C14orf93: variants seen among roughly 807,000 people sequenced by gnomAD.
C14orf93 encodes uncharacterized protein C14orf93.
A neutral mutation model predicts 44.0 loss-of-function variants in C14orf93; 23 were observed. That is an observed-to-expected ratio of 0.52 (90% CI 0.38 to 0.74). The LOEUF (loss-of-function observed/expected upper bound fraction) is 0.74. Ranked by LOEUF, C14orf93 falls within the 30% of genes least tolerant of loss-of-function variation. The pLI is 0.00. For missense variants in C14orf93, 579 were observed against 678.9 expected (o/e 0.85, Z 1.64); for synonymous variants, 253 against 265.7 (o/e 0.95, Z 0.46).
intron 3 of C14orf93, 120 bp downstream of exon 3, chr14:22,995,828 A>C: frequency 1.1e-6 from 1 of 922,322 alleles, no homozygotes; most frequent in Non-Finnish European, 1.5e-6. Flanking sequence ...TATCCCTCCC[A>C]CTCTGGTAGG....
rs374375002 is a variant in C14orf93, at chr14:23,002,127, C to A, written c.-379-2725G>T. ...TCGCACCACTGCACTCCAGCCTGGG[C>A]GACAGAGCGAGATTCCGTCTCAAAA... On this transcript the variant is annotated intron_variant, in intron 1 of 6. Coordinates refer to ENST00000299088, the MANE Select transcript of C14orf93 (RefSeq NM_021944.4). 1.5e-4 allele frequency among the ~76,000 whole-genome samples: 19 copies of A among 125,568 alleles called. No homozygotes were observed. In the East Asian group the frequency reaches 3.3e-3, roughly 22 times the overall value. 82.4% of individuals were successfully genotyped at this position (125,568 alleles called of 152,430 possible).
chr14:23,003,884 ATATATATATATATATTTTTTTTTTTTT>A (rs1421179185), intron 1 of C14orf93, among the ~76,000 whole-genome samples: 2 of 14,494 alleles, frequency 1.4e-4, no homozygotes, highest in African/African-American at 3.7e-4. Flanking sequence ...ATATATATAT[ATATATATATATATATTTTTTTTTTTTT>A]TTTTTTTTTT....
At chr14:23,001,455 CTCTTT>C (rs1305475374) in intron 1 of C14orf93, among the ~76,000 whole-genome samples, 1 of 152,134 alleles carries the variant, frequency 6.6e-6, no homozygotes, top group Non-Finnish European at 1.5e-5. Context: ...CTCTTCCCCT[CTCTTT>C]TATTTTTATT....
chr14:23,007,460 C>T (rs2046685449), intron 1 of C14orf93, among the ~76,000 whole-genome samples: 1 of 152,212 alleles, frequency 6.6e-6, no homozygotes, highest in South Asian at 2.1e-4. Flanking sequence ...TGGTGGCCGA[C>T]TTTTAGTTAC....
In C14orf93 at chr14:22,996,304, CAGGCTT is replaced by C. The variant is rs2045971993; in HGVS notation, c.598-42_598-37del. On this transcript the variant is annotated intron_variant, in intron 2 of 6. Coordinates refer to ENST00000299088, the MANE Select transcript of C14orf93 (RefSeq NM_021944.4). This position sits in a 1 kb window ranked among gnomAD's most constrained non-coding sequence, Gnocchi z 4.1. ...AAAAAATAATAGCCTATTAGCCAGC[CAGGCTT>C]AGGGGAACCTGGTTAACCATCATTC... is the stretch of plus-strand genomic sequence containing the variant. The C allele has an allele frequency of 1.3e-6, 2 of 1,512,692 alleles. No individual in the cohort carries two copies. The highest frequency in any genetic ancestry group is 1.8e-6 in the Non-Finnish European group (2 of 1,126,454). 93.7% of individuals were successfully genotyped at this position (1,512,692 alleles called of 1,614,324 possible).
chr14:23,006,621 G>A (rs1469828611), intron 1 of C14orf93: 3 of 152,228 alleles, frequency 2.0e-5, no homozygotes, highest in South Asian at 2.1e-4. Context: ...TGAAAAAGTA[G>A]CTCCTAGAAC....
Position 23,003,133 on chromosome 14 carries a change from G to T in C14orf93, c.-379-3731C>A, listed in dbSNP as rs79559863. ...TGTGAGTTCAATTTGTTCCTCAATT[G>T]CTCTTCTGTTTTTCTACTTTGTATG... On this transcript the variant is annotated intron_variant, in intron 1 of 6. Coordinates refer to ENST00000299088, the MANE Select transcript of C14orf93 (RefSeq NM_021944.4). Among the ~76,000 whole-genome samples the T allele has an allele frequency of 3.2e-3, 486 of 152,198 alleles. 2 individuals are homozygous for T. Among genetic ancestry groups the T allele is most frequent in the African/African-American group, 0.011 (458 of 41,536 alleles).
chr14:22,993,627 G>A (rs2045795298), intron 3 of C14orf93, among the ~76,000 whole-genome samples: 1 of 152,166 alleles, frequency 6.6e-6, no homozygotes, highest in Non-Finnish European at 1.5e-5. Flanking sequence ...GAGATCAGCT[G>A]ATAAAAATCA....
intron 1 of C14orf93, among the ~76,000 whole-genome samples, chr14:23,004,735 A>G (rs927856394): frequency 6.6e-6 from 1 of 151,998 alleles, no homozygotes; most frequent in South Asian, 2.1e-4. Flanking sequence ...CCTGACCAAC[A>G]TGGAGAAACC....
intron 1 of C14orf93, among the ~76,000 whole-genome samples, chr14:23,002,486 G>A (rs1392903090): frequency 1.3e-5 from 2 of 151,626 alleles, no homozygotes; most frequent in Non-Finnish European, 2.9e-5. Flanking sequence ...TTCTCCTCTG[G>A]CTGCACCATT....
intron 1 of C14orf93, among the ~76,000 whole-genome samples, chr14:23,008,223 T>C (rs1170085074): frequency 9.4e-5 from 14 of 149,530 alleles, no homozygotes; most frequent in Non-Finnish European, 1.6e-4. Flanking sequence ...AAAATGTGAC[T>C]AGATTTCAAA....
intron 1 of C14orf93, chr14:23,007,090 C>G (rs548184795): frequency 1.3e-5 from 2 of 152,274 alleles, no homozygotes; most frequent in Non-Finnish European, 1.5e-5. Context: ...CTCAGCTAGG[C>G]AGAGGCGGAG....
intron 3 of C14orf93, 46 bp downstream of exon 3, chr14:22,995,902 A>C (rs749072062): frequency 1.3e-5 from 20 of 1,503,660 alleles, no homozygotes; most frequent in South Asian, 2.7e-5. Flanking sequence ...CTCTTCACTT[A>C]TCTCTCCAGA....
Position 22,989,840 on chromosome 14 carries a change from T to G in C14orf93, c.986A>C (p.Lys329Thr), listed in dbSNP as rs762473616. ...DKRFNGSESI[K>T]SSWNISVVKF... Reference sequence around the variant, plus strand: ...CACTACTGAAATATTCCAAGAGGACTTGATGCTGCCACAAAGAGAAGAGAA... The same window carrying G: ...CACTACTGAAATATTCCAAGAGGACGTGATGCTGCCACAAAGAGAAGAGAA... The change falls in exon 5 of 7, where the codon AAG becomes ACG. Residue 329 changes from lysine (K) to threonine (T), a missense_variant. Coordinates refer to ENST00000299088, the MANE Select transcript of C14orf93 (RefSeq NM_021944.4). 6.2e-7 allele frequency: 1 copy of G among 1,613,506 alleles called. No homozygotes were observed. The highest frequency in any genetic ancestry group is 8.5e-7 in the Non-Finnish European group (1 of 1,179,398).
At chr14:23,001,839 TAAAA>T (rs780256403) in intron 1 of C14orf93, among the ~76,000 whole-genome samples, 628 of 59,572 alleles carry the variant, frequency 0.011, 11 homozygotes, top group African/African-American at 0.045. Context: ...TACTGCAGGT[TAAAA>T]AAAAAAAAAA....
intron 3 of C14orf93, among the ~76,000 whole-genome samples, chr14:22,991,736 T>C (rs2045647968): frequency 6.6e-6 from 1 of 151,772 alleles, no homozygotes; most frequent in African/African-American, 2.4e-5. Context: ...CACATCCAGC[T>C]AATTTTTGTA....
Position 22,987,473 on chromosome 14 carries a change from T to C in C14orf93, c.1359A>G (p.Thr453=). ...RPPRFRAQRL[T]ELCYHLDANS... Reference sequence around the variant, plus strand: ...TAGCATCCAGGTGGTAGCAGAGCTCTGTGAGGCGCTGGGCCCGGAAACGGG... The same window carrying C: ...TAGCATCCAGGTGGTAGCAGAGCTCCGTGAGGCGCTGGGCCCGGAAACGGG... The change falls in exon 7 of 7, where the codon ACA becomes ACG. Residue 453 remains threonine (T), a synonymous_variant. Coordinates refer to ENST00000299088, the MANE Select transcript of C14orf93 (RefSeq NM_021944.4). The surrounding 1 kb of genome is among the most constrained non-coding windows in gnomAD (Gnocchi z 5.6). 6.2e-7 allele frequency: 1 copy of C among 1,614,268 alleles called. No individual in the cohort carries two copies. The highest frequency in any genetic ancestry group is 8.5e-7 in the Non-Finnish European group (1 of 1,180,046).
chr14:23,004,072 G>A (rs1173231677), intron 1 of C14orf93, among the ~76,000 whole-genome samples: 2 of 145,352 alleles, frequency 1.4e-5, no homozygotes, highest in African/African-American at 5.1e-5. Flanking sequence ...ACCACTCCCA[G>A]GTAATTTTTG....
rs199800469 is a variant in C14orf93 at position 22,990,060 on chromosome 14, C to A, written c.980+6G>T. ...TTCTAATTCTTTTTCCTCAAGGAGA[C>A]CATACCTTTCAGACCCATTGAATCT... On this transcript the variant is annotated splice_donor_region_variant and intron_variant, in intron 4 of 6. Transcript: ENST00000299088. The A allele has an allele frequency of 3.9e-4, 631 of 1,610,174 alleles. 3 individuals carry two copies. The highest frequency in any genetic ancestry group is 8.2e-4 in the Middle Eastern group (5 of 6,076).
Sources: gnomAD v4.1 joint callset for allele counts (sites outside exome capture counted in the v4.1 genomes callset) on GRCh38, gnomAD v4.1.1 for gene constraint, Gnocchi (gnomAD v3.1) non-coding constraint, MANE v1.5 for transcripts, NCBI Gene and HGNC (gene_info 2026-07-23, HGNC 2026-07-21) for gene names.